Variants in VAT1L observed in about 807,000 individuals in gnomAD.
VAT1L encodes the protein putative NADPH-dependent quinone oxidoreductase VAT1L.
VAT1L carries 34 observed loss-of-function variants against 44.1 expected under a neutral mutation model. The observed-to-expected ratio is 0.77, with a 90% CI of 0.59 to 1.03. VAT1L has a LOEUF of 1.03. Ranked by LOEUF, VAT1L falls within the 50% of genes least tolerant of loss-of-function variation. The probability of loss-of-function intolerance (pLI) is 0.00; values close to 1 mark genes in which losing one functional copy is unlikely to be tolerated. For missense variants in VAT1L, 615 were observed against 538.8 expected, an observed-to-expected ratio of 1.14 and a Z score of -1.40; for synonymous variants, 253 against 202.2, an observed-to-expected ratio of 1.25 and a Z score of -2.13.
chr16:77,916,106 G>A (rs1021963767), intron 7 of VAT1L, among the ~76,000 whole-genome samples: 2 of 152,344 alleles, frequency 1.3e-5, no homozygotes, highest in East Asian at 3.9e-4. Flanking sequence ...GCAAGAGAAA[G>A]CCTTCAGACG....
At chr16:77,804,643 C>G (rs547910147) in intron 1 of VAT1L, among the ~76,000 whole-genome samples, 1 of 152,308 alleles carries the variant, frequency 6.6e-6, no homozygotes, top group Non-Finnish European at 1.5e-5. Context: ...TGCTGGCCAT[C>G]ATGATGAGTT....
intron 3 of VAT1L, among the ~76,000 whole-genome samples, chr16:77,826,549 G>A (rs1293705614): frequency 1.3e-5 from 2 of 152,166 alleles, no homozygotes; most frequent in African/African-American, 2.4e-5. Context: ...CTGCCAAGGC[G>A]GAGAATGGTG....
chr16:77,872,243 C>T (rs1457241478), intron 4 of VAT1L, among the ~76,000 whole-genome samples: 1 of 152,098 alleles, frequency 6.6e-6, no homozygotes, highest in Non-Finnish European at 1.5e-5. Flanking sequence ...CTCTCCCCTG[C>T]GTACCCACCT....
chr16:77,875,727 CTATT>C (rs1374349570), intron 4 of VAT1L, among the ~76,000 whole-genome samples: 1 of 152,224 alleles, frequency 6.6e-6, no homozygotes, highest in Non-Finnish European at 1.5e-5. Flanking sequence ...AAGTTCATCT[CTATT>C]TAACCCTCTT....
chr16:77,813,534 T>C (rs2016301554), intron 1 of VAT1L, among the ~76,000 whole-genome samples: 1 of 152,226 alleles, frequency 6.6e-6, no homozygotes, highest in African/African-American at 2.4e-5. Flanking sequence ...CTCCTCATTC[T>C]AGGGAACTCA....
intron 7 of VAT1L, among the ~76,000 whole-genome samples, chr16:77,902,322 G>C (rs2017391446): frequency 6.6e-6 from 1 of 151,982 alleles, no homozygotes; most frequent in Non-Finnish European, 1.5e-5. Flanking sequence ...TAGTCAATGG[G>C]GTTTTTTATA....
At position 77,877,326 on chromosome 16, in the gene VAT1L, T is replaced by C. The variant is rs200971592; in HGVS notation, c.826+853T>C. On this transcript the variant is annotated intron_variant, in intron 5 of 8. Transcript: ENST00000302536. ...GAGATCGAGACCATCCTGGCTAACA[T>C]GGTGAAACCCCGTCTCTACTAAAAA... 4.5e-4 allele frequency among the ~76,000 whole-genome samples: 69 copies of C among 151,866 alleles called. No individual in the cohort carries two copies. In the East Asian group the frequency reaches 0.012, roughly 27 times the overall value.
chr16:77,938,935 T>A (rs1344923438), intron 7 of VAT1L, among the ~76,000 whole-genome samples: 1 of 152,098 alleles, frequency 6.6e-6, no homozygotes, highest in Non-Finnish European at 1.5e-5. Context: ...AGTGTGGGGA[T>A]GGGAGAGAGG....
intron 7 of VAT1L, among the ~76,000 whole-genome samples, chr16:77,928,976 G>C (rs7499305): frequency 0.15 from 22,511 of 151,964 alleles, 1,884 homozygotes; most frequent in East Asian, 0.37. Context: ...ACCATGCCCC[G>C]GTAAAAGTTT....
intron 7 of VAT1L, among the ~76,000 whole-genome samples, chr16:77,936,382 C>G (rs2017796856): frequency 6.6e-6 from 1 of 152,144 alleles, no homozygotes; most frequent in South Asian, 2.1e-4. Context: ...GCCTCAGTCT[C>G]CTCAAGTCAC....
At chr16:77,920,813 G>C (rs2017603660) in intron 7 of VAT1L, among the ~76,000 whole-genome samples, 1 of 152,078 alleles carries the variant, frequency 6.6e-6, no homozygotes, top group South Asian at 2.1e-4. Context: ...CTAGGTGTAT[G>C]GTAGGCTATA....
intron 1 of VAT1L, among the ~76,000 whole-genome samples, chr16:77,795,804 CT>C (rs1371737070): frequency 7.4e-6 from 1 of 135,676 alleles, no homozygotes; most frequent in East Asian, 2.2e-4. Context: ...GCTTAGCTCC[CT>C]TTTTTCTCTT....
At position 77,963,306 on chromosome 16, in the gene VAT1L, G is replaced by A. The variant is rs144490210; in HGVS notation, c.1078-8544G>A. Among the ~76,000 whole-genome samples, 304 of 152,306 alleles carry A rather than the reference G, an allele frequency of 2.0e-3. 1 individual carries two copies. The highest frequency in any genetic ancestry group is 6.8e-3 in the Middle Eastern group (2 of 294). On this transcript the variant is annotated intron_variant, in intron 7 of 8. Coordinates refer to ENST00000302536, the MANE Select transcript of VAT1L (RefSeq NM_020927.3). ...GGTTTTTCAAAGAGGGAGGCAGGAG[G>A]AGGGTGAGAGTCAGAGAGATTTGAA...
chr16:77,837,498 AT>A (rs1339739202), intron 3 of VAT1L, among the ~76,000 whole-genome samples: 1 of 152,212 alleles, frequency 6.6e-6, no homozygotes, highest in African/African-American at 2.4e-5. Flanking sequence ...TGAACCCTTC[AT>A]CCCCTGTATC....
At chr16:77,921,930 T>C (rs980368321) in intron 7 of VAT1L, among the ~76,000 whole-genome samples, 7 of 152,128 alleles carry the variant, frequency 4.6e-5, no homozygotes, top group Non-Finnish European at 1.0e-4. Context: ...TTTTTTTTTA[T>C]GGTGACAGGG....
chr16:77,826,075 C>T (rs575544653), intron 3 of VAT1L, among the ~76,000 whole-genome samples: 97 of 138,252 alleles, frequency 7.0e-4, no homozygotes, highest in Non-Finnish European at 1.2e-3. Context: ...GGCGTAGTGG[C>T]GGGCGCCTGT....
chr16:77,788,717 C>T lies in VAT1L; in HGVS notation c.35C>T (p.Thr12Met). ...AKEGVEKAEE[T>M]EQMIEKEAGK... The stretch of plus-strand genomic sequence containing the variant: ...GAAGGCGTGGAGAAGGCGGAGGAGA[C>T]GGAGCAAATGATCGAGAAGGAGGCA... The change falls in exon 1 of 9, where the codon ACG becomes ATG. Residue 12 changes from threonine to methionine, a missense_variant. By Grantham distance (81) the Thr-to-Met change is moderately conservative (BLOSUM62 -1). Transcript: ENST00000302536. 5.1e-6 allele frequency: 8 copies of T among 1,555,538 alleles called. No homozygotes were observed. The highest frequency in any genetic ancestry group is 7.0e-6 in the Non-Finnish European group (8 of 1,149,144).
At chr16:77,961,252 C>A (rs2018156782) in intron 7 of VAT1L, among the ~76,000 whole-genome samples, 1 of 152,008 alleles carries the variant, frequency 6.6e-6, no homozygotes, top group African/African-American at 2.4e-5. Flanking sequence ...AGGCTGTCAC[C>A]AAGGGGGCTT....
chr16:77,830,169 C>T (rs1597055753), intron 3 of VAT1L, among the ~76,000 whole-genome samples: 1 of 152,158 alleles, frequency 6.6e-6, no homozygotes. Context: ...ACTCAGAACA[C>T]TCTTTATCTT....
Sources: gnomAD v4.1 joint callset for allele counts (sites outside exome capture counted in the v4.1 genomes callset) on GRCh38, gnomAD v4.1.1 for gene constraint, MANE v1.5 for transcripts, NCBI Gene and HGNC (gene_info 2026-07-23, HGNC 2026-07-21) for gene names.